Variants in FAF1 observed in about 807,000 individuals in gnomAD.
FAF1 encodes Fas associated factor 1.
In FAF1, 25 loss-of-function variants were observed where a neutral mutation model predicts 92.5. The observed-to-expected ratio is 0.27, with a 90% CI of 0.20 to 0.38. The LOEUF is 0.38. FAF1 is among the 10% of genes least tolerant of loss of function. The pLI is 1.00. For missense variants in FAF1, 636 were observed against 793.3 expected, an observed-to-expected ratio of 0.80 and a Z score of 2.38; for synonymous variants, 234 against 273.2, an observed-to-expected ratio of 0.86 and a Z score of 1.42.
intron 5 of FAF1, among the ~76,000 whole-genome samples, chr1:50,739,532 G>A (rs1425595386): frequency 6.6e-6 from 1 of 152,086 alleles, no homozygotes; most frequent in East Asian, 1.9e-4. Context: ...AACACAAACA[G>A]ATAAGAACAC....
At chr1:50,761,587 C>A (rs1041446644) in intron 4 of FAF1, among the ~76,000 whole-genome samples, 2 of 152,146 alleles carry the variant, frequency 1.3e-5, no homozygotes, top group Non-Finnish European at 2.9e-5. Flanking sequence ...AAGACAAAAA[C>A]CACATGATTA....
chr1:50,922,382 C>G (rs2124734005), intron 1 of FAF1, among the ~76,000 whole-genome samples: 1 of 131,910 alleles, frequency 7.6e-6, no homozygotes, highest in East Asian at 2.5e-4. Context: ...TCGCTTGAAC[C>G]TGAGAAACGG....
At chr1:50,498,860 A>G (rs1646942110) in intron 15 of FAF1, among the ~76,000 whole-genome samples, 1 of 152,038 alleles carries the variant, frequency 6.6e-6, no homozygotes, top group Non-Finnish European at 1.5e-5. Context: ...AAAAAAAAAA[A>G]AAAAGAAAAA....
At chr1:50,837,107 G>A (rs184264017) in intron 2 of FAF1, among the ~76,000 whole-genome samples, 17 of 151,804 alleles carry the variant, frequency 1.1e-4, no homozygotes, top group East Asian at 5.8e-4. Flanking sequence ...ACAGGCACCC[G>A]CCACCATGCC....
At chr1:50,508,503 C>T (rs780054523) in intron 15 of FAF1, among the ~76,000 whole-genome samples, 4 of 152,058 alleles carry the variant, frequency 2.6e-5, no homozygotes, top group Non-Finnish European at 5.9e-5. Flanking sequence ...TGTATGATTC[C>T]ATTTATAAGA....
intron 1 of FAF1, among the ~76,000 whole-genome samples, chr1:50,945,952 T>C (rs891973329): frequency 6.6e-6 from 1 of 152,226 alleles, no homozygotes; most frequent in Admixed American, 6.5e-5. Flanking sequence ...AGCTTTCAGC[T>C]TGACTAAACC....
Position 50,910,420 on chromosome 1 carries a change from C to G in FAF1, c.45+49347G>C, listed in dbSNP as rs12089202. Among the ~76,000 whole-genome samples, 1,515 of 152,322 alleles carry G rather than the reference C, an allele frequency of 9.9e-3. 23 individuals are homozygous for G. Among genetic ancestry groups the G allele is most frequent in the African/African-American group, 0.035 (1,437 of 41,574 alleles). ...CACTACTCTCTTCAAAGCTGTCAGA[C>G]AGGGAAGTTTAAGTCTGCAGAAGTT... On this transcript the variant is annotated intron_variant, in intron 1 of 18. Coordinates refer to ENST00000396153, the MANE Select transcript of FAF1 (RefSeq NM_007051.3).
At chr1:50,491,839 CT>C (rs748185846) in intron 15 of FAF1, 38 bp from the exon 16 acceptor site, 108 of 1,458,820 alleles carry the variant, frequency 7.4e-5, no homozygotes, top group African/African-American at 8.6e-5. Context: ...TGACATATAA[CT>C]TTTTTTTGAA....
At chr1:50,674,259 A>T (rs1464706047) in intron 7 of FAF1, among the ~76,000 whole-genome samples, 5 of 147,662 alleles carry the variant, frequency 3.4e-5, no homozygotes, top group Admixed American at 2.7e-4. Flanking sequence ...CCCCAAGGCA[A>T]TTTTTTTTTT....
At chr1:50,463,212 A>G (rs1646454109) in intron 18 of FAF1, among the ~76,000 whole-genome samples, 1 of 152,218 alleles carries the variant, frequency 6.6e-6, no homozygotes, top group Non-Finnish European at 1.5e-5. Flanking sequence ...GGTTGGCAAC[A>G]TTTCACATGT....
At chr1:50,553,340 C>T (rs1458133146) in intron 13 of FAF1, among the ~76,000 whole-genome samples, 2 of 152,128 alleles carry the variant, frequency 1.3e-5, no homozygotes, top group Admixed American at 1.3e-4. Flanking sequence ...TTCTGGAGAA[C>T]ATGTCTAGGA....
At chr1:50,765,639 A>G (rs1660538690) in intron 4 of FAF1, among the ~76,000 whole-genome samples, 1 of 152,228 alleles carries the variant, frequency 6.6e-6, no homozygotes, top group Non-Finnish European at 1.5e-5. Context: ...TAATCCCTAT[A>G]TATGACTAAA....
At chr1:50,515,636 T>C (rs1647207945) in intron 15 of FAF1, among the ~76,000 whole-genome samples, 2 of 152,150 alleles carry the variant, frequency 1.3e-5, no homozygotes, top group South Asian at 4.1e-4. Context: ...ATCAAATTAG[T>C]TTCCTAAATT....
rs750382332 is a variant in FAF1 at position 50,705,842 on chromosome 1, G to A, written c.601C>T (p.Arg201Ter). ...NQNFMLIITH[R>*]EVQREYNLNF... ...AGGTTGTACTCCCGCTGGACTTCTC[G>A]GTGGGTGATGATCAGCATGAAGTTT... is the stretch of plus-strand genomic sequence containing the variant. The change falls in exon 7 of 19, where the codon CGA (arginine) becomes TGA (stop). Residue 201 changes from arginine (R) to a stop codon, truncating the protein, a stop_gained. Coordinates refer to ENST00000396153, the MANE Select transcript of FAF1 (RefSeq NM_007051.3). LOFTEE classifies it high-confidence loss of function. 4 of 1,613,162 alleles carry A rather than the reference G, an allele frequency of 2.5e-6. No homozygotes were observed. The highest frequency in any genetic ancestry group is 2.5e-6 in the Non-Finnish European group (3 of 1,179,374).
chr1:50,586,719 C>T (rs753263881), intron 9 of FAF1, among the ~76,000 whole-genome samples: 3 of 152,122 alleles, frequency 2.0e-5, no homozygotes, highest in Non-Finnish European at 2.9e-5. Context: ...ATCCACAATG[C>T]TTTCTCATTT....
chr1:50,793,162 T>C (rs1175211985), intron 3 of FAF1, among the ~76,000 whole-genome samples: 1 of 152,174 alleles, frequency 6.6e-6, no homozygotes, highest in East Asian at 1.9e-4. Context: ...CCACAGTCAC[T>C]TCCGGTTTCC....
At chr1:50,630,771 G>A (rs897257771) in intron 8 of FAF1, among the ~76,000 whole-genome samples, 9 of 144,928 alleles carry the variant, frequency 6.2e-5, no homozygotes, top group South Asian at 2.2e-4. Context: ...GTTTAATATC[G>A]TAGTCTCCCC....
intron 8 of FAF1, among the ~76,000 whole-genome samples, chr1:50,620,995 T>C (rs934317462): frequency 1.2e-4 from 19 of 152,334 alleles, no homozygotes; most frequent in South Asian, 2.1e-4. Flanking sequence ...CAGGGAGATA[T>C]GCCGCACACT....
chr1:50,468,545 C>T (rs1283769274), intron 18 of FAF1, among the ~76,000 whole-genome samples: 3 of 151,804 alleles, frequency 2.0e-5, no homozygotes, highest in Admixed American at 6.6e-5. Context: ...CTGCAACCTC[C>T]GCCCTCCAAG....
Sources: gnomAD v4.1 joint callset for allele counts (sites outside exome capture counted in the v4.1 genomes callset) on GRCh38, gnomAD v4.1.1 for gene constraint, MANE v1.5 for transcripts, NCBI Gene and HGNC (gene_info 2026-07-23, HGNC 2026-07-21) for gene names.